NPIPA1: variants seen among roughly 807,000 people sequenced by gnomAD.
NPIPA1 encodes the protein nuclear pore complex-interacting protein family member A1.
For synonymous variants in NPIPA1, 7 were observed against 88.0 expected (o/e 0.08, Z 5.15); for missense variants, 22 against 232.2 (o/e 0.09, Z 5.88).
chr16:14,950,695 T>C (rs1236048788), intron 7 of NPIPA1: 2 of 727,258 alleles, frequency 2.8e-6, no homozygotes, highest in African/African-American at 3.4e-5. Flanking sequence ...TAAAACTTGC[T>C]TTGTTTAGAA....
chr16:14,944,933 CAG>C (rs1185502204), intron 2 of NPIPA1, among the ~76,000 whole-genome samples: 4 of 130,670 alleles, frequency 3.1e-5, no homozygotes, highest in African/African-American at 5.7e-5. Flanking sequence ...TTTTTTGAGA[CAG>C]AGTTTGAATT....
At chr16:14,943,226 G>A (rs1192415394) in intron 2 of NPIPA1, among the ~76,000 whole-genome samples, 16 of 151,356 alleles carry the variant, frequency 1.1e-4, no homozygotes, top group African/African-American at 2.7e-4. Flanking sequence ...GTGTGATCTC[G>A]GCTCACTGCA....
intron 1 of NPIPA1, among the ~76,000 whole-genome samples, chr16:14,938,976 G>A (rs866038408): frequency 5.8e-5 from 8 of 139,002 alleles, no homozygotes; most frequent in South Asian, 2.6e-4. Flanking sequence ...TGCCTGCCTC[G>A]GCCTCCCAGT....
In NPIPA1 at chr16:14,951,949, A is replaced by G. The variant is rs773186910; in HGVS notation, c.977A>G (p.Asp326Gly). ...LPPSAPPSVD[D>G]NLKTPPECVC... Reference sequence around the variant, plus strand: ...CCCTCAGCTCCACCCTCAGTGGATGATAATCTCAAGACACCTCCCGAGTGT... The same window carrying G: ...CCCTCAGCTCCACCCTCAGTGGATGGTAATCTCAAGACACCTCCCGAGTGT... Residue 326 changes from aspartate to glycine, a missense_variant, in exon 8 of 8, where the codon GAT (aspartate) becomes GGT (glycine). Transcript: ENST00000328085. 6.5e-5 allele frequency: 105 copies of G among 1,604,980 alleles called. No individual in the cohort carries two copies. In the East Asian group the frequency reaches 2.3e-3, roughly 36 times the overall value.
chr16:14,940,512 G>T (rs1459580380), intron 1 of NPIPA1, among the ~76,000 whole-genome samples: 2 of 144,336 alleles, frequency 1.4e-5, no homozygotes, highest in Admixed American at 7.1e-5. Flanking sequence ...TTGGAGACCA[G>T]CCTGGCCAAG....
chr16:14,942,740 C>G (rs1481318614), intron 2 of NPIPA1, among the ~76,000 whole-genome samples: 2 of 152,242 alleles, frequency 1.3e-5, no homozygotes, highest in Non-Finnish European at 2.9e-5. Context: ...TTCCCACTTG[C>G]AACTGGAGAG....
chr16:14,940,216 TAA>T, intron 1 of NPIPA1, among the ~76,000 whole-genome samples: 1 of 103,222 alleles, frequency 9.7e-6, no homozygotes, highest in Non-Finnish European at 2.0e-5. Context: ...TTTTAAGAAC[TAA>T]AATTCGATAC....
intron 7 of NPIPA1, chr16:14,951,040 T>G (rs1173165166): frequency 2.0e-3 from 1 of 512 alleles, no homozygotes; most frequent in African/African-American, 3.7e-3. Context: ...TGGGCACAAT[T>G]TCTCCTTCCT....
At chr16:14,948,744 CAG>C (rs1965953967) in intron 4 of NPIPA1, among the ~76,000 whole-genome samples, 184 bp from the exon 5 acceptor site, 1 of 137,952 alleles carries the variant, frequency 7.2e-6, no homozygotes, top group Non-Finnish European at 1.5e-5. Context: ...GCCAGCAGGC[CAG>C]AGTGTGATTT....
At chr16:14,941,220 C>A (rs1965745108) in intron 1 of NPIPA1, among the ~76,000 whole-genome samples, 1 of 149,718 alleles carries the variant, frequency 6.7e-6, no homozygotes, top group African/African-American at 2.4e-5. Flanking sequence ...GGCAGATCGC[C>A]TGTCAGGAGT....
intron 2 of NPIPA1, among the ~76,000 whole-genome samples, chr16:14,942,838 G>A (rs1238028299): frequency 6.6e-6 from 1 of 152,272 alleles, no homozygotes; most frequent in Non-Finnish European, 1.5e-5. Flanking sequence ...TTTCCTTTGG[G>A]TAAGTTGAGC....
intron 1 of NPIPA1, among the ~76,000 whole-genome samples, chr16:14,940,396 A>T (rs1325017620): frequency 6.6e-6 from 1 of 152,192 alleles, no homozygotes; most frequent in East Asian, 1.9e-4. Context: ...ATCAATTTAA[A>T]AAACAAATAA....
chr16:14,946,521 CTTT>C (rs60690721), intron 4 of NPIPA1, among the ~76,000 whole-genome samples: 1 of 142,706 alleles, frequency 7.0e-6, no homozygotes, highest in African/African-American at 2.6e-5. Context: ...CACACCCAGG[CTTT>C]TTTTTTTTTT....
intron 1 of NPIPA1, among the ~76,000 whole-genome samples, chr16:14,941,066 T>A (rs1362248943): frequency 6.7e-6 from 1 of 149,914 alleles, no homozygotes; most frequent in Admixed American, 6.8e-5. Flanking sequence ...AGGCAGAGGT[T>A]GCAGTGAGCC....
chr16:14,945,284 C>T (rs1965859654), intron 2 of NPIPA1, among the ~76,000 whole-genome samples: 2 of 145,362 alleles, frequency 1.4e-5, no homozygotes, highest in African/African-American at 5.1e-5. Context: ...GAGTCTCATT[C>T]TGTCACTCAG....
chr16:14,945,350 A>G (rs1965861788), intron 2 of NPIPA1, among the ~76,000 whole-genome samples: 1 of 143,984 alleles, frequency 6.9e-6, no homozygotes, highest in African/African-American at 2.6e-5. Flanking sequence ...CCCAGCTTCA[A>G]ACGGTTCTCT....
intron 4 of NPIPA1, among the ~76,000 whole-genome samples, chr16:14,946,229 CTTT>C (rs1166253398): frequency 1.1e-5 from 1 of 89,858 alleles, no homozygotes; most frequent in Admixed American, 1.4e-4. Context: ...TTCTCTCTCT[CTTT>C]TTTTTTTTTT....
In NPIPA1 at chr16:14,951,689, A is replaced by C. The variant is rs983872763; in HGVS notation, c.717A>C (p.Leu239Phe). Residue 239 changes from leucine (L) to phenylalanine (F), a missense_variant, in exon 8 of 8, where the codon TTA becomes TTC. By Grantham distance (22) the Leu-to-Phe change is conservative (BLOSUM62 0). Coordinates refer to ENST00000328085, the MANE Select transcript of NPIPA1 (RefSeq NM_006985.4). ...PYWPYLTAET[L>F]KNRMGHQPPP... ...GGCCCTACCTCACAGCTGAAACTTTAAAAAACAGGATGGGCCACCAGCCAC... is the reference window on the plus strand; with the variant it reads ...GGCCCTACCTCACAGCTGAAACTTTCAAAAACAGGATGGGCCACCAGCCAC... 6.6e-7 allele frequency: 1 copy of C among 1,508,038 alleles called. No individual in the cohort carries two copies. The highest frequency in any genetic ancestry group is 1.4e-5 in the African/African-American group (1 of 70,576). 93.4% of individuals were successfully genotyped at this position (1,508,038 alleles called of 1,614,324 possible). A position where few individuals can be genotyped will look rare whatever the true frequency, so the allele number is the denominator to read the frequency against.
chr16:14,938,966 T>C (rs1453178973), intron 1 of NPIPA1, among the ~76,000 whole-genome samples: 31 of 142,200 alleles, frequency 2.2e-4, no homozygotes, highest in African/African-American at 5.7e-4. Flanking sequence ...CCTCGTGATC[T>C]GCCTGCCTCG....
Sources: allele counts gnomAD v4.1 joint callset (sites outside exome capture counted in the v4.1 genomes callset), GRCh38; gene constraint gnomAD v4.1.1; transcripts MANE v1.5; gene names NCBI Gene and HGNC (gene_info 2026-07-23, HGNC 2026-07-21).